PCDHGA6: variants seen among roughly 807,000 people sequenced by gnomAD.
PCDHGA6 encodes the protein protocadherin gamma-A6.
Under a neutral mutation model 60.6 loss-of-function variants are expected in PCDHGA6, and 41 were observed. That is an observed-to-expected ratio of 0.68 (90% CI 0.53 to 0.88). The LOEUF (loss-of-function observed/expected upper bound fraction) is 0.88. PCDHGA6 is among the 40% of genes least tolerant of loss of function. The pLI is 0.00. For synonymous variants in PCDHGA6, 594 were observed against 524.4 expected (o/e 1.13, Z -1.81); for missense variants, 1,312 against 1,203.0 (o/e 1.09, Z -1.34).
intron 1 of PCDHGA6, chr5:141,410,847 G>GTTTTTTT (rs773839667): frequency 8.8e-5 from 14 of 158,320 alleles, no homozygotes; most frequent in African/African-American, 4.2e-4. Flanking sequence ...TTTTGTCTTT[G>GTTTTTTT]TCTTTTTTTT....
At chr5:141,382,924 G>T (rs768027809) in intron 1 of PCDHGA6, 2 of 1,568,666 alleles carry the variant, frequency 1.3e-6, no homozygotes, top group Non-Finnish European at 1.7e-6. Flanking sequence ...GAGGGGCGGG[G>T]ACTACAGAGG....
At chr5:141,425,842 T>G (rs2096897830) in intron 1 of PCDHGA6, among the ~76,000 whole-genome samples, 1 of 152,230 alleles carries the variant, frequency 6.6e-6, no homozygotes, top group Non-Finnish European at 1.5e-5. Context: ...TTCTCTTTGC[T>G]GGGTTAATGA....
chr5:141,446,398 G>A (rs1379233102), intron 1 of PCDHGA6, among the ~76,000 whole-genome samples: 2 of 152,128 alleles, frequency 1.3e-5, no homozygotes, highest in African/African-American at 2.4e-5. Context: ...AAGAGAAATC[G>A]AGTTGAGTTC....
At chr5:141,430,979 C>A (rs370494413) in intron 1 of PCDHGA6, 2 of 1,613,642 alleles carry the variant, frequency 1.2e-6, no homozygotes, top group Non-Finnish European at 1.7e-6. Context: ...TAGGACGCAG[C>A]TTTTCGCCCT....
At chr5:141,409,821 C>T in intron 1 of PCDHGA6, 1 of 1,610,940 alleles carries the variant, frequency 6.2e-7, no homozygotes, top group Non-Finnish European at 8.5e-7. Flanking sequence ...CACGGCTCGC[C>T]CACGCTCAGC....
intron 1 of PCDHGA6, chr5:141,423,131 A>G (rs370773437): frequency 1.9e-6 from 3 of 1,613,538 alleles, no homozygotes; most frequent in Admixed American, 1.7e-5. Context: ...GCACTGCTGG[A>G]CAGAGACGCG....
intron 1 of PCDHGA6, chr5:141,433,123 C>G (rs575738328): frequency 3.7e-6 from 6 of 1,614,116 alleles, no homozygotes; most frequent in Non-Finnish European, 5.1e-6. Context: ...TTGAAAAAAG[C>G]GAGCCCCTTT....
chr5:141,465,800 C>G (rs1486100601), intron 1 of PCDHGA6, among the ~76,000 whole-genome samples: 2 of 151,524 alleles, frequency 1.3e-5, no homozygotes, highest in East Asian at 3.9e-4. Flanking sequence ...TTTAAGAAAC[C>G]CTTCAGGATC....
At chr5:141,473,098 A>G (rs564554159) in intron 1 of PCDHGA6, among the ~76,000 whole-genome samples, 6 of 152,300 alleles carry the variant, frequency 3.9e-5, no homozygotes, top group South Asian at 4.1e-4. Context: ...TGTGAGTTGT[A>G]TTACCACACT....
At chr5:141,509,692 C>T (rs755446680) in intron 3 of PCDHGA6, among the ~76,000 whole-genome samples, 8 of 152,126 alleles carry the variant, frequency 5.3e-5, no homozygotes, top group Non-Finnish European at 1.0e-4. Context: ...TACAGTGGGA[C>T]GTTGGACTGG....
At chr5:141,388,887 G>C in intron 1 of PCDHGA6, 1 of 1,613,988 alleles carries the variant, frequency 6.2e-7, no homozygotes, top group Non-Finnish European at 8.5e-7. Context: ...GGAGGTAGAA[G>C]TCATAGATGA....
At chr5:141,385,603 T>G (rs968822799) in intron 1 of PCDHGA6, 19 of 1,190,040 alleles carry the variant, frequency 1.6e-5, no homozygotes, top group Non-Finnish European at 2.0e-5. Flanking sequence ...CTTTCTTAAC[T>G]CATATATTTT....
intron 1 of PCDHGA6, among the ~76,000 whole-genome samples, chr5:141,473,267 C>G (rs1458810488): frequency 1.3e-5 from 2 of 152,248 alleles, no homozygotes; most frequent in African/African-American, 2.4e-5. Flanking sequence ...TTAGTGTATG[C>G]TATGATTATT....
intron 1 of PCDHGA6, chr5:141,419,337 C>A (rs1283848400): frequency 6.2e-7 from 1 of 1,613,906 alleles, no homozygotes; most frequent in South Asian, 1.1e-5. Flanking sequence ...TCTCTCATTG[C>A]CAGCGACCTG....
rs752708726 is a variant in PCDHGA6 at position 141,413,991 on chromosome 5, C to T, written c.2424+37484C>T. 1.9e-6 allele frequency: 3 copies of T among 1,613,494 alleles called. No homozygotes were observed. The East Asian group carries it at 6.7e-5, about 36-fold the overall frequency. ...AGCTGCTGACAGTCACAGCCACCGA[C>T]AGGGACGAAGGTGCCAATGGAGAAG... On this transcript the variant is annotated intron_variant, in intron 1 of 3. Coordinates refer to ENST00000517434, the MANE Select transcript of PCDHGA6 (RefSeq NM_018919.3).
In PCDHGA6 at chr5:141,486,288, T is replaced by G. The variant is rs1181533037; in HGVS notation, c.2425-8519T>G. ...GAACCTGGCACTGTGGTGGCACTTA[T>G]CAGTGTGCAGGATCCAGACTCAGGG... On this transcript the variant is annotated intron_variant, in intron 1 of 3. Transcript: ENST00000517434. This position sits in a 1 kb window ranked among gnomAD's most constrained non-coding sequence, Gnocchi z 5.0. The G allele has an allele frequency of 6.2e-7, 1 of 1,613,996 alleles. No individual in the cohort carries two copies. The highest frequency in any genetic ancestry group is 1.7e-5 in the Admixed American group (1 of 60,000).
At chr5:141,398,521 A>C in intron 1 of PCDHGA6, 1 of 1,613,690 alleles carries the variant, frequency 6.2e-7, no homozygotes, top group Non-Finnish European at 8.5e-7. Context: ...CCACACGCCA[A>C]AATTCACGCA....
At chr5:141,382,945 C>T (rs1357779050) in intron 1 of PCDHGA6, 1 of 1,597,008 alleles carries the variant, frequency 6.3e-7, no homozygotes, top group Admixed American at 1.7e-5. Context: ...ATTCTTCCTG[C>T]TCTCCATCCT....
At position 141,487,670 on chromosome 5, in the gene PCDHGA6, T is replaced by C. The variant is rs2099658277; in HGVS notation, c.2425-7137T>C. 2 of 1,612,302 alleles carry C rather than the reference T, an allele frequency of 1.2e-6. No homozygotes were observed. Among genetic ancestry groups the C allele is most frequent in the Non-Finnish European group, 1.7e-6 (2 of 1,179,082 alleles). On this transcript the variant is annotated intron_variant, in intron 1 of 3. Transcript: ENST00000517434. The surrounding 1 kb of genome is among the most constrained non-coding windows in gnomAD (Gnocchi z 5.0). The stretch of plus-strand genomic sequence containing the variant: ...TGAGGGTTATTCTGATCCAGGCATA[T>C]GGCTAGGCCATGTCCTAGAGAGTAC...
Sources: gnomAD v4.1 joint callset for allele counts (sites outside exome capture counted in the v4.1 genomes callset) on GRCh38, gnomAD v4.1.1 for gene constraint, Gnocchi (gnomAD v3.1) non-coding constraint, MANE v1.5 for transcripts, NCBI Gene and HGNC (gene_info 2026-07-23, HGNC 2026-07-21) for gene names.